The following CNTN5 variants were observed in gnomAD, a reference collection of about 807,000 sequenced individuals.
CNTN5 encodes contactin 5.
A neutral mutation model predicts 129.1 loss-of-function variants in CNTN5; 77 were observed. That is an observed-to-expected ratio of 0.60 (90% CI 0.50 to 0.72). The LOEUF (loss-of-function observed/expected upper bound fraction) is 0.72. Ranked by LOEUF, CNTN5 falls within the 30% of genes least tolerant of loss-of-function variation. CNTN5 has a pLI of 0.00. For synonymous variants in CNTN5, 509 were observed against 465.6 expected (o/e 1.09, Z -1.20); for missense variants, 1,478 against 1,328.8 (o/e 1.11, Z -1.75).
chr11:99,368,925 G>C (rs1939639016), intron 2 of CNTN5, among the ~76,000 whole-genome samples: 1 of 151,984 alleles, frequency 6.6e-6, no homozygotes, highest in Non-Finnish European at 1.5e-5. Context: ...GAGAATGTCA[G>C]GGAAGAGGGT....
chr11:99,881,656 G>C lies in CNTN5; in HGVS notation c.578-34398G>C, dbSNP rs182100591. On this transcript the variant is annotated intron_variant, in intron 6 of 24. Coordinates refer to ENST00000524871, the MANE Select transcript of CNTN5 (RefSeq NM_014361.4). ...TTGTTATTTTTAAAATAAAATAAAGGGGGGGAGCTGGCTTAGTAAGTGCTG... is the reference window on the plus strand; with the variant it reads ...TTGTTATTTTTAAAATAAAATAAAGCGGGGGAGCTGGCTTAGTAAGTGCTG... Among the ~76,000 whole-genome samples the C allele has an allele frequency of 1.5e-4, 23 of 152,156 alleles. 1 individual carries two copies. The highest frequency in any genetic ancestry group is 6.2e-4 in the South Asian group (3 of 4,832).
chr11:99,784,203 G>T (rs1324653797), intron 3 of CNTN5, among the ~76,000 whole-genome samples: 1 of 152,032 alleles, frequency 6.6e-6, no homozygotes, highest in Non-Finnish European at 1.5e-5. Flanking sequence ...GCGCAGGTTT[G>T]TTACTTAGGT....
chr11:99,548,929 C>T (rs913452788), intron 2 of CNTN5, among the ~76,000 whole-genome samples: 2 of 151,982 alleles, frequency 1.3e-5, no homozygotes, highest in South Asian at 2.1e-4. Flanking sequence ...CACATGTTGC[C>T]TCATCCCATT....
intron 8 of CNTN5, among the ~76,000 whole-genome samples, chr11:99,966,516 A>G (rs1951098111): frequency 6.6e-6 from 1 of 152,176 alleles, no homozygotes; most frequent in South Asian, 2.1e-4. Flanking sequence ...GTATTGATGG[A>G]CTTTCATCTC....
chr11:99,478,543 T>G (rs1464589667), intron 2 of CNTN5, among the ~76,000 whole-genome samples: 2 of 152,104 alleles, frequency 1.3e-5, no homozygotes, highest in Non-Finnish European at 2.9e-5. Flanking sequence ...GGTGTGAGTA[T>G]CAGGAGGAGG....
At chr11:99,539,401 G>T (rs187346783) in intron 2 of CNTN5, among the ~76,000 whole-genome samples, 1 of 151,808 alleles carries the variant, frequency 6.6e-6, no homozygotes, top group Non-Finnish European at 1.5e-5. Context: ...CCAAATTATC[G>T]TTTTATTGTT....
At chr11:100,281,523 T>C (rs1360404732) in intron 18 of CNTN5, among the ~76,000 whole-genome samples, 2 of 152,200 alleles carry the variant, frequency 1.3e-5, no homozygotes, top group African/African-American at 4.8e-5. Flanking sequence ...CTTTTCTTTA[T>C]CCTTGAGCTT....
Position 99,714,368 on chromosome 11 carries a change from G to T in CNTN5, c.56-105176G>T, listed in dbSNP as rs371546238. Among the ~76,000 whole-genome samples the T allele has an allele frequency of 6.5e-3, 994 of 151,988 alleles. 8 individuals are homozygous for T. Among genetic ancestry groups the T allele is most frequent in the African/African-American group, 0.021 (889 of 41,490 alleles). On this transcript the variant is annotated intron_variant, in intron 3 of 24. Transcript: ENST00000524871. ...AATTAAGCTTTAATTTTCACTGGCT[G>T]CTTACAGAAGAAAATAACTTGTATA...
chr11:99,146,876 C>G (rs1859809410), intron 1 of CNTN5, among the ~76,000 whole-genome samples: 1 of 151,988 alleles, frequency 6.6e-6, no homozygotes, highest in Admixed American at 6.6e-5. Flanking sequence ...CACGTGCCAC[C>G]ACATCTAGCT....
chr11:100,305,446 C>T (rs1417248279), intron 20 of CNTN5, among the ~76,000 whole-genome samples: 1 of 151,628 alleles, frequency 6.6e-6, no homozygotes, highest in Non-Finnish European at 1.5e-5. Context: ...ATACTGTCTC[C>T]TTTTATCCCC....
chr11:99,523,839 AAGTGGTTTCTT>A (rs1261659578), intron 2 of CNTN5, among the ~76,000 whole-genome samples: 2 of 152,156 alleles, frequency 1.3e-5, no homozygotes, highest in Non-Finnish European at 2.9e-5. Context: ...AACAAATGCC[AAGTGGTTTCTT>A]TACTGAGCGC....
intron 2 of CNTN5, among the ~76,000 whole-genome samples, chr11:99,325,815 C>T (rs1205071146): frequency 5.3e-5 from 8 of 152,154 alleles, no homozygotes. Context: ...AAAAACAGTA[C>T]TCAGATATAG....
intron 3 of CNTN5, among the ~76,000 whole-genome samples, chr11:99,674,087 A>G (rs1217819436): frequency 2.0e-5 from 3 of 152,170 alleles, no homozygotes; most frequent in Admixed American, 2.0e-4. Context: ...GTGTACAAGC[A>G]TTCCTTTTTC....
intron 21 of CNTN5, among the ~76,000 whole-genome samples, chr11:100,326,376 G>A (rs191070376): frequency 6.6e-6 from 1 of 152,142 alleles, no homozygotes; most frequent in African/African-American, 2.4e-5. Flanking sequence ...ATTTAAGATA[G>A]AGAAATTCCA....
chr11:99,861,423 T>G (rs2135769129), intron 6 of CNTN5, among the ~76,000 whole-genome samples: 1 of 152,308 alleles, frequency 6.6e-6, no homozygotes. Context: ...GTGGTAAACT[T>G]AAGCACACTG....
At chr11:99,978,468 G>A (rs922002569) in intron 8 of CNTN5, among the ~76,000 whole-genome samples, 1 of 152,158 alleles carries the variant, frequency 6.6e-6, no homozygotes, top group African/African-American at 2.4e-5. Context: ...GCAACGTCTG[G>A]TCCTGCAAGT....
chr11:99,528,640 C>T (rs143294146), intron 2 of CNTN5, among the ~76,000 whole-genome samples: 1 of 152,224 alleles, frequency 6.6e-6, no homozygotes, highest in Non-Finnish European at 1.5e-5. Flanking sequence ...AGTGTTTTCA[C>T]TTTGAGAACC....
At chr11:99,530,973 C>T (rs1016840187) in intron 2 of CNTN5, among the ~76,000 whole-genome samples, 16 of 152,284 alleles carry the variant, frequency 1.1e-4, no homozygotes, top group Non-Finnish European at 2.2e-4. Flanking sequence ...TCGGGCGTTG[C>T]TGAAAAGATA....
chr11:99,145,736 G>T (rs1164556336), intron 1 of CNTN5, among the ~76,000 whole-genome samples: 3 of 152,090 alleles, frequency 2.0e-5, no homozygotes, highest in Middle Eastern at 3.4e-3. Context: ...ACAAATGATG[G>T]TAATAATATT....
Sources: allele counts gnomAD v4.1 joint callset (sites outside exome capture counted in the v4.1 genomes callset), GRCh38; gene constraint gnomAD v4.1.1; transcripts MANE v1.5; gene names NCBI Gene and HGNC (gene_info 2026-07-23, HGNC 2026-07-21).